The following NXF2 variants were observed in gnomAD, a reference collection of about 807,000 sequenced individuals.
The protein encoded by NXF2 is TAP-like protein 2.
intron 2 of NXF2, among the ~76,000 whole-genome samples, chrX:102,281,523 G>GAC (rs782272206): frequency 1.5e-3 from 168 of 114,097 alleles, no homozygotes; most frequent in African/African-American, 5.1e-3. Flanking sequence ...GGGGCCACGT[G>GAC]ACTCTGACTG....
intron 2 of NXF2, among the ~76,000 whole-genome samples, chrX:102,285,941 GTTT>G (rs541008665): frequency 4.3e-3 from 147 of 33,916 alleles, no homozygotes; most frequent in African/African-American, 0.013. Flanking sequence ...GTTTGTTTTT[GTTT>G]TTTTTTTTTT....
At chrX:102,298,462 G>GC (rs1934004020) in intron 2 of NXF2, among the ~76,000 whole-genome samples, 1 of 46,159 alleles carries the variant, frequency 2.2e-5, no homozygotes, top group Non-Finnish European at 4.0e-5. Context: ...TGTGAGTTAT[G>GC]CAAAAAAAAA....
chrX:102,248,315 AT>A lies in NXF2; in HGVS notation c.-175-120del, dbSNP rs1338229519. 2.8e-3 allele frequency: 134 copies of A among 48,504 alleles called. 1 individual carries two copies. Among genetic ancestry groups the A allele is most frequent in the Middle Eastern group, 0.01 (1 of 96 alleles). 4.0% of individuals were successfully genotyped at this position (48,504 alleles called of 1,213,427 possible). On this transcript the variant is annotated intron_variant, in intron 1 of 22. Coordinates refer to ENST00000625106, the MANE Select transcript of NXF2 (RefSeq NM_022053.4). ...ACTACTACATTACATTGATGCACTAATTGACATTACTACATCGATGTTAATT... is the reference window on the plus strand; with the variant it reads ...ACTACTACATTACATTGATGCACTAATGACATTACTACATCGATGTTAATT...
At chrX:102,282,008 C>T (rs1483649846) in intron 2 of NXF2, among the ~76,000 whole-genome samples, 2 of 36,141 alleles carry the variant, frequency 5.5e-5, no homozygotes, top group African/African-American at 1.6e-4. Flanking sequence ...TTAGTAGAGA[C>T]GGGGTTCCAC....
intron 2 of NXF2, among the ~76,000 whole-genome samples, chrX:102,281,735 C>G (rs1269065718): frequency 1.3e-5 from 1 of 78,182 alleles, no homozygotes; most frequent in African/African-American, 4.7e-5. Flanking sequence ...GTGACCCCCC[C>G]CCTCCCCCGA....
intron 2 of NXF2, among the ~76,000 whole-genome samples, chrX:102,254,427 T>A (rs2147804224): frequency 1.1e-5 from 1 of 88,360 alleles, no homozygotes; most frequent in Non-Finnish European, 2.2e-5. Flanking sequence ...AAAAAAAAAA[T>A]CTATTTCTTT....
chrX:102,282,254 G>A (rs1933925695), intron 2 of NXF2, among the ~76,000 whole-genome samples: 1 of 108,558 alleles, frequency 9.2e-6, no homozygotes, highest in African/African-American at 3.3e-5. Context: ...GGCTAGGGCT[G>A]CTTTAAATGC....
chrX:102,298,834 G>A (rs1934010457), intron 2 of NXF2, among the ~76,000 whole-genome samples: 1 of 112,173 alleles, frequency 8.9e-6, no homozygotes, highest in African/African-American at 3.2e-5. Flanking sequence ...ACTAAGAAAG[G>A]TCAAGTATCA....
chrX:102,293,524 CATATATATATATATATAT>C (rs1176337938), intron 2 of NXF2, among the ~76,000 whole-genome samples: 13 of 8,687 alleles, frequency 1.5e-3, no homozygotes, highest in South Asian at 0.01. Flanking sequence ...TCTTTCTTTC[CATATATATATATATATAT>C]ATATATATAT....
At chrX:102,298,819 C>G (rs1271228062) in intron 2 of NXF2, among the ~76,000 whole-genome samples, 7 of 113,577 alleles carry the variant, frequency 6.2e-5, no homozygotes, top group Non-Finnish European at 1.3e-4. Context: ...AAATAGAAAG[C>G]TGAAACTAAG....
rs1334105891 is a variant in NXF2 at position 102,252,137 on chromosome X, C to T, written c.-54+3579C>T. 1.8e-4 allele frequency among the ~76,000 whole-genome samples: 13 copies of T among 74,098 alleles called. No homozygotes were observed. In the East Asian group the frequency reaches 5.5e-3, roughly 31 times the overall value. The allele number at this position is 74,098 out of a possible 115,157, so 64.3% of individuals were successfully genotyped here. ...CCTCTCGAGTAGCTGGGATTACAGC[C>T]GCCCGCCACCTCGCCTGGCTCATTT... On this transcript the variant is annotated intron_variant, in intron 2 of 22. Coordinates refer to ENST00000625106, the MANE Select transcript of NXF2 (RefSeq NM_022053.4).
chrX:102,282,163 G>A (rs1221988605), intron 2 of NXF2, among the ~76,000 whole-genome samples: 5 of 88,150 alleles, frequency 5.7e-5, no homozygotes, highest in African/African-American at 1.6e-4. Flanking sequence ...AATTTACTTG[G>A]AGACACAGAG....
chrX:102,281,649 G>A (rs1459039275), intron 2 of NXF2, among the ~76,000 whole-genome samples: 123 of 105,600 alleles, frequency 1.2e-3, no homozygotes, highest in African/African-American at 3.6e-3. Context: ...GAGCCACAAG[G>A]TGTGCAGCCT....
At chrX:102,251,965 ATGTTT>A (rs1233142733) in intron 2 of NXF2, among the ~76,000 whole-genome samples, 1 of 113,743 alleles carries the variant, frequency 8.8e-6, no homozygotes, top group Non-Finnish European at 1.9e-5. Context: ...GGGTTCTGCC[ATGTTT>A]TGTTTTGTTT....
At chrX:102,294,156 G>A (rs1441293247) in intron 2 of NXF2, among the ~76,000 whole-genome samples, 2 of 100,299 alleles carry the variant, frequency 2.0e-5, no homozygotes, top group African/African-American at 8.5e-5. Flanking sequence ...AAACCTGCAC[G>A]TTGTGCACAT....
chrX:102,278,965 CACAA>C (rs1277283567), intron 2 of NXF2, among the ~76,000 whole-genome samples: 12 of 5,708 alleles, frequency 2.1e-3, no homozygotes, highest in African/African-American at 7.5e-3. Flanking sequence ...ACACTATTTG[CACAA>C]ACAAACAAAC....
chrX:102,266,585 A>C (rs1325256151), intron 2 of NXF2, among the ~76,000 whole-genome samples: 1 of 41,415 alleles, frequency 2.4e-5, no homozygotes, highest in Non-Finnish European at 5.0e-5. Flanking sequence ...AGATGCAATA[A>C]AAAATGATAA....
intron 2 of NXF2, among the ~76,000 whole-genome samples, chrX:102,294,648 G>GT (rs1933997491): frequency 2.3e-5 from 1 of 43,442 alleles, no homozygotes; most frequent in African/African-American, 7.3e-5. Flanking sequence ...TTTATCATTG[G>GT]TTTGGGGGTG....
intron 2 of NXF2, among the ~76,000 whole-genome samples, chrX:102,282,681 T>C (rs1362038899): frequency 3.7e-5 from 2 of 53,672 alleles, no homozygotes; most frequent in Admixed American, 4.7e-4. Context: ...ATCACATTTA[T>C]TGATTTGCAC....
Sources: gnomAD v4.1 joint callset for allele counts (sites outside exome capture counted in the v4.1 genomes callset) on GRCh38, gnomAD v4.1.1 for gene constraint, MANE v1.5 for transcripts, NCBI Gene and HGNC (gene_info 2026-07-23, HGNC 2026-07-21) for gene names.